Variants in TBCK observed in about 807,000 individuals in gnomAD.
The protein encoded by TBCK is TBC1 domain containing kinase.
TBCK carries 99 observed loss-of-function variants against 113.4 expected under a neutral mutation model. The ratio of observed to expected loss-of-function variants is 0.87; its 90% CI spans 0.74 to 1.03. TBCK has a LOEUF of 1.03. Ranked by LOEUF, TBCK falls within the 50% of genes least tolerant of loss-of-function variation. TBCK has a pLI of 0.00. For synonymous variants in TBCK, 369 were observed against 370.8 expected (o/e 1.00, Z 0.05); for missense variants, 1,045 against 1,061.3 (o/e 0.98, Z 0.21).
intron 3 of TBCK, among the ~76,000 whole-genome samples, chr4:106,270,808 C>G (rs974747350): frequency 3.9e-5 from 6 of 152,148 alleles, no homozygotes; most frequent in African/African-American, 1.4e-4. Flanking sequence ...CTGAAATGTT[C>G]AGTTAAATAA....
Position 106,095,523 on chromosome 4 carries a change from C to A in TBCK, c.2530G>T (p.Val844Phe). The A allele has an allele frequency of 6.2e-7, 1 of 1,613,988 alleles. No individual in the cohort carries two copies. Among genetic ancestry groups the A allele is most frequent in the Non-Finnish European group, 8.5e-7 (1 of 1,179,938 alleles). Residue 844 changes from valine to phenylalanine, a missense_variant, in exon 25 of 26, where the codon GTC becomes TTC. Physicochemically the swap from Val to Phe is conservative, Grantham distance 50. Coordinates refer to ENST00000394708, the MANE Select transcript of TBCK (RefSeq NM_001163435.3). ...TAMLQNFKGK[V>F]IVIVGHVAKH... is the part of the protein sequence containing the mutation. ...GCCACATGCCCCACGATGACAATGA[C>A]CTTCCCTTTGAAGTTCTGGAGCATA...
In TBCK at chr4:106,315,919, C is replaced by T. The variant is rs954139432; in HGVS notation, c.-30+12G>A. 3 of 153,046 alleles carry T rather than the reference C, an allele frequency of 2.0e-5. No homozygotes were observed. Among genetic ancestry groups the T allele is most frequent in the Non-Finnish European group, 4.4e-5 (3 of 68,708 alleles). 9.5% of individuals were successfully genotyped at this position (153,046 alleles called of 1,614,324 possible). On this transcript the variant is annotated intron_variant, in intron 1 of 25. Coordinates refer to ENST00000394708, the MANE Select transcript of TBCK (RefSeq NM_001163435.3). ...ACTACGACACGGAAAACTGGATTAC[C>T]CAAATACCTGCCTCTGAGTCTGGGG...
intron 15 of TBCK, among the ~76,000 whole-genome samples, chr4:106,234,793 C>T (rs1360359172): frequency 1.3e-5 from 2 of 152,040 alleles, no homozygotes; most frequent in Non-Finnish European, 2.9e-5. Flanking sequence ...TCCTCACAAC[C>T]ACAGAGAAAG....
At chr4:106,107,948 C>T (rs1163196296) in intron 24 of TBCK, among the ~76,000 whole-genome samples, 1 of 152,148 alleles carries the variant, frequency 6.6e-6, no homozygotes, top group Non-Finnish European at 1.5e-5. Context: ...AATGTAACCA[C>T]TGACCCCACA....
intron 23 of TBCK, among the ~76,000 whole-genome samples, chr4:106,149,818 A>G (rs942802025): frequency 6.6e-6 from 1 of 152,244 alleles, no homozygotes; most frequent in South Asian, 2.1e-4. Context: ...AATTTGTATA[A>G]AACAGCAATA....
chr4:106,241,573 C>T (rs1760143410), intron 12 of TBCK, among the ~76,000 whole-genome samples: 2 of 151,450 alleles, frequency 1.3e-5, no homozygotes, highest in Admixed American at 1.3e-4. Context: ...ATATCAAGGC[C>T]CAGAAACATA....
intron 25 of TBCK, among the ~76,000 whole-genome samples, chr4:106,082,774 T>A (rs550653217): frequency 6.6e-6 from 1 of 152,074 alleles, no homozygotes; most frequent in Non-Finnish European, 1.5e-5. Context: ...ATCCAGGTTC[T>A]CTCATCAAAA....
intron 19 of TBCK, among the ~76,000 whole-genome samples, chr4:106,218,844 A>G (rs1757315830): frequency 7.2e-6 from 1 of 139,074 alleles, no homozygotes; most frequent in Admixed American, 7.3e-5. Context: ...TAGAAATACC[A>G]TTTGACCCAG....
chr4:106,297,626 C>G (rs1387573626), intron 2 of TBCK: 2 of 152,208 alleles, frequency 1.3e-5, no homozygotes, highest in African/African-American at 4.8e-5. Flanking sequence ...AACTCCCTCT[C>G]TAGCTTCATC....
intron 24 of TBCK, among the ~76,000 whole-genome samples, chr4:106,114,412 T>C (rs1743239287): frequency 6.6e-6 from 1 of 152,230 alleles, no homozygotes; most frequent in Non-Finnish European, 1.5e-5. Flanking sequence ...TCCCCATGCA[T>C]GACTGCTATC....
intron 12 of TBCK, among the ~76,000 whole-genome samples, chr4:106,239,677 T>C (rs893398145): frequency 6.6e-6 from 1 of 151,918 alleles, no homozygotes; most frequent in African/African-American, 2.4e-5. Context: ...TAGAAAATGA[T>C]TTAAAAACAA....
chr4:106,151,379 T>C (rs1034124700), intron 23 of TBCK, among the ~76,000 whole-genome samples: 4 of 152,044 alleles, frequency 2.6e-5, no homozygotes, highest in Non-Finnish European at 5.9e-5. Context: ...TCCCAGCCTC[T>C]GGTAACAATC....
At chr4:106,251,104 G>A (rs1341648934) in intron 6 of TBCK, 1 of 385,068 alleles carries the variant, frequency 2.6e-6, no homozygotes, top group Non-Finnish European at 5.2e-6. Context: ...GTTGAGCAAT[G>A]ATTGTGTGCC....
intron 20 of TBCK, among the ~76,000 whole-genome samples, chr4:106,205,071 A>G (rs967626481): frequency 2.0e-5 from 3 of 152,146 alleles, no homozygotes; most frequent in African/African-American, 7.2e-5. Context: ...GGCCCAAACA[A>G]TGATTTTTTT....
chr4:106,134,179 A>AT lies in TBCK; in HGVS notation c.2236-17802dup, dbSNP rs202242552. Among the ~76,000 whole-genome samples, 844 of 151,430 alleles carry AT rather than the reference A, an allele frequency of 5.6e-3. 5 individuals carry two copies. The highest frequency in any genetic ancestry group is 0.018 in the African/African-American group (744 of 41,228). On this transcript the variant is annotated intron_variant, in intron 23 of 25. Transcript: ENST00000394708. ...CAATGTATAAAAGTAAAACTCTGAGATTTTTTTTTAAAGTGACGTATAATG... is the reference window on the plus strand; with the variant it reads ...CAATGTATAAAAGTAAAACTCTGAGATTTTTTTTTTAAAGTGACGTATAATG...
At chr4:106,204,751 ATTTTTTTTTTT>A (rs34775295) in intron 20 of TBCK, among the ~76,000 whole-genome samples, 33 of 87,272 alleles carry the variant, frequency 3.8e-4, no homozygotes, top group African/African-American at 1.5e-3. Context: ...ACAAACAATG[ATTTTTTTTTTT>A]TTTTTTTTTT....
chr4:106,242,726 A>T (rs544141800), intron 11 of TBCK, among the ~76,000 whole-genome samples, 157 bp from the exon 12 acceptor site: 2 of 152,180 alleles, frequency 1.3e-5, no homozygotes, highest in East Asian at 3.9e-4. Flanking sequence ...AATTATTATT[A>T]TTATACTTTA....
intron 20 of TBCK, among the ~76,000 whole-genome samples, chr4:106,204,139 G>C (rs546845365): frequency 3.9e-5 from 6 of 152,256 alleles, no homozygotes; most frequent in African/African-American, 1.2e-4. Flanking sequence ...AGTGTGCCTG[G>C]AGCTGTGTTG....
chr4:106,110,345 A>G (rs1342470693), intron 24 of TBCK, among the ~76,000 whole-genome samples: 1 of 152,202 alleles, frequency 6.6e-6, no homozygotes, highest in African/African-American at 2.4e-5. Flanking sequence ...GGACTGCGAT[A>G]GAACCCTCAA....
Sources: gnomAD v4.1 joint callset for allele counts (sites outside exome capture counted in the v4.1 genomes callset) on GRCh38, gnomAD v4.1.1 for gene constraint, MANE v1.5 for transcripts, NCBI Gene and HGNC (gene_info 2026-07-23, HGNC 2026-07-21) for gene names.